The following CRTAC1 variants were observed in gnomAD, a reference collection of about 807,000 sequenced individuals.
The protein encoded by CRTAC1 is acidic secreted protein in cartilage.
A neutral mutation model predicts 67.8 loss-of-function variants in CRTAC1; 37 were observed. The observed-to-expected ratio is 0.55, with a 90% CI of 0.42 to 0.72. The LOEUF (loss-of-function observed/expected upper bound fraction) is 0.72. Ranked by LOEUF, CRTAC1 falls within the 30% of genes least tolerant of loss-of-function variation. CRTAC1 has a pLI of 0.00. For synonymous variants in CRTAC1, 348 were observed against 371.0 expected (o/e 0.94, Z 0.71); for missense variants, 780 against 931.6 (o/e 0.84, Z 2.12).
intron 8 of CRTAC1, among the ~76,000 whole-genome samples, chr10:97,900,761 A>ACCCC (rs2050525238): frequency 8.8e-6 from 1 of 113,590 alleles, no homozygotes; most frequent in Non-Finnish European, 1.8e-5. Context: ...TAGTGATTGG[A>ACCCC]GCCCGTAGCC....
intron 11 of CRTAC1, 50 bp from the exon 12 acceptor site, chr10:97,884,401 C>T (rs1360445773): frequency 6.6e-7 from 1 of 1,506,262 alleles, no homozygotes; most frequent in Non-Finnish European, 9.0e-7. Flanking sequence ...GCAGGAGGCT[C>T]TCAGCGGAAG....
intron 2 of CRTAC1, among the ~76,000 whole-genome samples, chr10:97,942,303 A>G (rs188192738): frequency 7.2e-5 from 11 of 152,374 alleles, no homozygotes; most frequent in Non-Finnish European, 1.5e-4. Flanking sequence ...CGCAGAGTGA[A>G]TGGAAGAGAT....
chr10:97,911,488 C>T (rs551647193), intron 5 of CRTAC1, among the ~76,000 whole-genome samples: 2 of 152,320 alleles, frequency 1.3e-5, no homozygotes, highest in South Asian at 2.1e-4. Flanking sequence ...ACCTCCTTCT[C>T]GGCAAGTTGG....
At chr10:97,872,314 TTCACCTGCAAGTGG>T (rs1450072318) in intron 14 of CRTAC1, among the ~76,000 whole-genome samples, 2 of 152,118 alleles carry the variant, frequency 1.3e-5, no homozygotes, top group Admixed American at 6.5e-5. Context: ...AAGGATACAA[TTCACCTGCAAGTGG>T]TCACCTTATA....
intron 1 of CRTAC1, among the ~76,000 whole-genome samples, chr10:98,025,563 T>A (rs1843213832): frequency 6.6e-6 from 1 of 152,240 alleles, no homozygotes; most frequent in African/African-American, 2.4e-5. Flanking sequence ...TTGCTGCTTC[T>A]TATTTCTTAA....
At chr10:97,870,897 C>T (rs1391703184) in intron 14 of CRTAC1, 5 of 152,046 alleles carry the variant, frequency 3.3e-5, no homozygotes, top group African/African-American at 7.3e-5. Context: ...TATTATGTGC[C>T]GTTATCTGAG....
chr10:97,992,209 G>A (rs1346541693), intron 2 of CRTAC1, among the ~76,000 whole-genome samples: 1 of 152,118 alleles, frequency 6.6e-6, no homozygotes, highest in African/African-American at 2.4e-5. Flanking sequence ...AAAAGATCCT[G>A]GTGGAACTAG....
At chr10:97,897,035 CCGCTG>C in intron 8 of CRTAC1, 44 bp from the exon 9 acceptor site, 1 of 1,438,656 alleles carries the variant, frequency 7.0e-7, no homozygotes, top group African/African-American at 1.4e-5. Flanking sequence ...GTCTCAGAGG[CCGCTG>C]GACCAGAAGG....
intron 4 of CRTAC1, among the ~76,000 whole-genome samples, chr10:97,918,896 G>C (rs1349230156): frequency 6.6e-6 from 1 of 151,648 alleles, no homozygotes; most frequent in African/African-American, 2.4e-5. Context: ...CGATTGCCCT[G>C]CTTCAGCCTC....
intron 11 of CRTAC1, among the ~76,000 whole-genome samples, chr10:97,890,403 C>T (rs530563729): frequency 6.6e-6 from 1 of 152,208 alleles, no homozygotes; most frequent in South Asian, 2.1e-4. Context: ...GCCGCTGTAC[C>T]CAGCCTTGGA....
intron 14 of CRTAC1, among the ~76,000 whole-genome samples, chr10:97,874,459 C>G (rs942218566): frequency 4.6e-5 from 7 of 152,316 alleles, no homozygotes; most frequent in African/African-American, 1.4e-4. Flanking sequence ...GGAAGGTTGG[C>G]TCTGCACCTT....
intron 2 of CRTAC1, among the ~76,000 whole-genome samples, chr10:98,007,862 T>C (rs1043575618): frequency 2.6e-5 from 4 of 152,090 alleles, no homozygotes; most frequent in African/African-American, 9.7e-5. Context: ...GGCACATTTC[T>C]TGAAAGAGAA....
intron 2 of CRTAC1, among the ~76,000 whole-genome samples, chr10:98,005,742 A>T: frequency 6.6e-6 from 1 of 151,944 alleles, no homozygotes; most frequent in Non-Finnish European, 1.5e-5. Context: ...TGGCTAAATC[A>T]TGGATAAATG....
intron 1 of CRTAC1, among the ~76,000 whole-genome samples, chr10:98,027,448 G>T (rs955359575): frequency 8.5e-5 from 13 of 152,220 alleles, no homozygotes; most frequent in African/African-American, 2.6e-4. Flanking sequence ...AATCTGGGAG[G>T]TCTCACCAGC....
intron 2 of CRTAC1, among the ~76,000 whole-genome samples, chr10:97,946,448 A>AG (rs2051265152): frequency 1.3e-5 from 2 of 152,114 alleles, no homozygotes; most frequent in Non-Finnish European, 2.9e-5. Context: ...TCAGGACCAG[A>AG]GGGGAGATTG....
intron 11 of CRTAC1, among the ~76,000 whole-genome samples, chr10:97,891,269 A>G (rs1388872907): frequency 6.6e-6 from 1 of 152,122 alleles, no homozygotes; most frequent in East Asian, 1.9e-4. Context: ...CCTATAATCA[A>G]TATACATTGT....
intron 2 of CRTAC1, among the ~76,000 whole-genome samples, chr10:97,965,665 C>T (rs1427200164): frequency 6.6e-6 from 1 of 151,674 alleles, no homozygotes; most frequent in Non-Finnish European, 1.5e-5. Context: ...TGTGAGGTGG[C>T]TGCTCCCTAA....
At chr10:97,951,067 C>G (rs906958148) in intron 2 of CRTAC1, among the ~76,000 whole-genome samples, 1 of 152,164 alleles carries the variant, frequency 6.6e-6, no homozygotes, top group African/African-American at 2.4e-5. Flanking sequence ...TAATATAAGT[C>G]ACTGAGTGCC....
intron 3 of CRTAC1, among the ~76,000 whole-genome samples, chr10:97,935,668 C>A (rs1021711375): frequency 6.6e-6 from 1 of 152,186 alleles, no homozygotes; most frequent in African/African-American, 2.4e-5. Context: ...AGGTGCTTAG[C>A]AAGAATTTGG....
Sources: allele counts gnomAD v4.1 joint callset (sites outside exome capture counted in the v4.1 genomes callset), GRCh38; gene constraint gnomAD v4.1.1; transcripts MANE v1.5; gene names NCBI Gene and HGNC (gene_info 2026-07-23, HGNC 2026-07-21).